MPDZ: variants seen among roughly 807,000 people sequenced by gnomAD.
MPDZ encodes multiple PDZ domain crumbs cell polarity complex component, also known as multiple PDZ domain protein.
Under a neutral mutation model 239.1 loss-of-function variants are expected in MPDZ, and 234 were observed. The observed-to-expected ratio is 0.98, with a 90% CI of 0.88 to 1.09. The LOEUF (loss-of-function observed/expected upper bound fraction) is 1.09, where lower values mean the gene tolerates loss of function less well. Among genes scored for constraint, MPDZ ranks in the 50% least tolerant of loss-of-function variants. MPDZ has a pLI of 0.00. For synonymous variants in MPDZ, 1,048 were observed against 881.3 expected (o/e 1.19, Z -3.35); for missense variants, 3,175 against 2,510.0 (o/e 1.26, Z -5.66).
chr9:13,212,544 T>A (rs2135949319), intron 10 of MPDZ, among the ~76,000 whole-genome samples: 1 of 151,460 alleles, frequency 6.6e-6, no homozygotes, highest in South Asian at 2.1e-4. Flanking sequence ...GCCTAAGGGG[T>A]CCTGGTTAGC....
At chr9:13,147,100 C>A (rs1236011884) in intron 26 of MPDZ, among the ~76,000 whole-genome samples, 2 of 151,858 alleles carry the variant, frequency 1.3e-5, no homozygotes, top group Non-Finnish European at 2.9e-5. Flanking sequence ...AATACATGAA[C>A]GATCATTCAC....
At chr9:13,122,385 AAGATT>A (rs1217861760) in intron 36 of MPDZ, among the ~76,000 whole-genome samples, 2 of 152,236 alleles carry the variant, frequency 1.3e-5, no homozygotes, top group Non-Finnish European at 2.9e-5. Context: ...AATGATAGAG[AAGATT>A]AAAGAAAAAA....
intron 3 of MPDZ, among the ~76,000 whole-genome samples, chr9:13,225,752 T>C (rs1960374733): frequency 6.6e-6 from 1 of 151,982 alleles, no homozygotes; most frequent in Non-Finnish European, 1.5e-5. Context: ...TTTGGGTAAG[T>C]ATACCCTACG....
At chr9:13,233,197 G>A (rs781466899) in intron 3 of MPDZ, among the ~76,000 whole-genome samples, 1 of 152,090 alleles carries the variant, frequency 6.6e-6, no homozygotes, top group Non-Finnish European at 1.5e-5. Context: ...ACTCTTAAGT[G>A]AACATCCAAG....
intron 1 of MPDZ, among the ~76,000 whole-genome samples, chr9:13,271,229 A>G (rs1265291454): frequency 6.6e-6 from 1 of 152,158 alleles, no homozygotes; most frequent in African/African-American, 2.4e-5. Context: ...TAAATTTTCT[A>G]TGTTATGTTT....
At chr9:13,130,117 G>T (rs916786731) in intron 32 of MPDZ, among the ~76,000 whole-genome samples, 5 of 152,120 alleles carry the variant, frequency 3.3e-5, no homozygotes, top group African/African-American at 1.2e-4. Flanking sequence ...CCTTTCCTAG[G>T]GCAAACTGTG....
At chr9:13,272,104 G>A (rs779088235) in intron 1 of MPDZ, among the ~76,000 whole-genome samples, 1 of 152,050 alleles carries the variant, frequency 6.6e-6, no homozygotes, top group Non-Finnish European at 1.5e-5. Context: ...TCAACAAATT[G>A]TACACTCTCA....
intron 36 of MPDZ, among the ~76,000 whole-genome samples, chr9:13,122,523 C>CTTTTTTTTTTTTTTTTT (rs1193402258): frequency 5.0e-5 from 7 of 141,152 alleles, no homozygotes; most frequent in African/African-American, 1.8e-4. Context: ...TTTTCAAACT[C>CTTTTTTTTTTTTTTTTT]TTTTTTTTTT....
At chr9:13,187,804 T>C (rs1411862460) in intron 17 of MPDZ, among the ~76,000 whole-genome samples, 2 of 144,464 alleles carry the variant, frequency 1.4e-5, no homozygotes, top group South Asian at 2.2e-4. Context: ...CCCACAAATA[T>C]TGAGAACATC....
intron 12 of MPDZ, among the ~76,000 whole-genome samples, chr9:13,202,996 T>C (rs1157379959): frequency 2.0e-5 from 3 of 152,090 alleles, no homozygotes; most frequent in Non-Finnish European, 4.4e-5. Context: ...TATTTTCAAA[T>C]AGCCAGAGGA....
chr9:13,157,550 C>T (rs1587352045), intron 24 of MPDZ, among the ~76,000 whole-genome samples: 1 of 152,088 alleles, frequency 6.6e-6, no homozygotes, highest in Non-Finnish European at 1.5e-5. Flanking sequence ...ATCTATTATA[C>T]ATGAAACTGG....
intron 12 of MPDZ, 88 bp from the exon 13 acceptor site, chr9:13,196,318 C>A (rs1955639150): frequency 1.2e-6 from 1 of 839,532 alleles, no homozygotes; most frequent in African/African-American, 1.7e-5. Flanking sequence ...CTGATCAGAA[C>A]CCGCTGTATC....
intron 18 of MPDZ, among the ~76,000 whole-genome samples, chr9:13,184,470 T>C (rs1309858093): frequency 2.0e-5 from 3 of 151,962 alleles, no homozygotes; most frequent in Non-Finnish European, 4.4e-5. Context: ...AGAAGAATTA[T>C]AACATTATAT....
chr9:13,227,334 AATT>A (rs989542616), intron 3 of MPDZ, among the ~76,000 whole-genome samples: 1 of 152,262 alleles, frequency 6.6e-6, no homozygotes, highest in Non-Finnish European at 1.5e-5. Flanking sequence ...AGGCATGATC[AATT>A]ATTATTTTTT....
At chr9:13,211,845 C>A (rs1415091150) in intron 10 of MPDZ, among the ~76,000 whole-genome samples, 1 of 151,922 alleles carries the variant, frequency 6.6e-6, no homozygotes, top group South Asian at 2.1e-4. Flanking sequence ...AAATTTTAAA[C>A]CATAAACTAT....
Position 13,115,870 on chromosome 9 carries a change from G to A in MPDZ, c.5380-536C>T, listed in dbSNP as rs544850926. On this transcript the variant is annotated intron_variant, in intron 39 of 46. Coordinates refer to ENST00000319217, the MANE Select transcript of MPDZ (RefSeq NM_001378778.1). Reference sequence around the variant, plus strand: ...TGAGGCAGAAGAATGGCGTGAACCTGGGAGGCGGAGCTTGCAGTGAGCCAA... The same window carrying A: ...TGAGGCAGAAGAATGGCGTGAACCTAGGAGGCGGAGCTTGCAGTGAGCCAA... Among the ~76,000 whole-genome samples, 5 of 151,278 alleles carry A rather than the reference G, an allele frequency of 3.3e-5. No individual in the cohort carries two copies. In the East Asian group the frequency reaches 9.8e-4, roughly 30 times the overall value.
At chr9:13,178,316 T>A (rs1364377152) in intron 19 of MPDZ, among the ~76,000 whole-genome samples, 1 of 152,078 alleles carries the variant, frequency 6.6e-6, no homozygotes, top group African/African-American at 2.4e-5. Flanking sequence ...AATTTTCTCT[T>A]ACAGAAGGAA....
intron 10 of MPDZ, among the ~76,000 whole-genome samples, chr9:13,212,271 A>C (rs1170092945): frequency 1.3e-5 from 2 of 152,096 alleles, no homozygotes; most frequent in Non-Finnish European, 2.9e-5. Context: ...GCACAGAAGA[A>C]ACTGCTATAA....
chr9:13,176,377 T>C lies in MPDZ; in HGVS notation c.2690A>G (p.His897Arg), dbSNP rs1327920983. 6.2e-6 allele frequency: 10 copies of C among 1,603,424 alleles called. No individual in the cohort carries two copies. Among genetic ancestry groups the C allele is most frequent in the Non-Finnish European group, 6.8e-6 (8 of 1,174,536 alleles). ...ENSCDPVLDL[H>R]MSLEELYTQN... ...GGTATATAGTTCCTCCAGAGACATA[T>C]GCAGATCAAGTACTGGATCACAAGA... The change falls in exon 20 of 47, where the codon CAT (histidine) becomes CGT (arginine). Residue 897 changes from histidine to arginine, a missense_variant. His to Arg is a conservative substitution (Grantham distance 29). Coordinates refer to ENST00000319217, the MANE Select transcript of MPDZ (RefSeq NM_001378778.1).
Sources: allele counts gnomAD v4.1 joint callset (sites outside exome capture counted in the v4.1 genomes callset), GRCh38; gene constraint gnomAD v4.1.1; transcripts MANE v1.5; gene names NCBI Gene and HGNC (gene_info 2026-07-23, HGNC 2026-07-21).